DOCK10: variants seen among roughly 807,000 people sequenced by gnomAD.
DOCK10 encodes dedicator of cytokinesis protein 10.
Under a neutral mutation model 280.1 loss-of-function variants are expected in DOCK10, and 145 were observed. The observed-to-expected ratio is 0.52, with a 90% CI of 0.45 to 0.59. DOCK10 has a LOEUF of 0.59. Among genes scored for constraint, DOCK10 ranks in the 20% least tolerant of loss-of-function variants. The pLI is 0.00. For missense variants in DOCK10, 2,368 were observed against 2,651.7 expected, an observed-to-expected ratio of 0.89 and a Z score of 2.35; for synonymous variants, 915 against 942.2, an observed-to-expected ratio of 0.97 and a Z score of 0.53.
intron 1 of DOCK10, among the ~76,000 whole-genome samples, chr2:224,957,282 T>TCCGC (rs1704091134): frequency 1.2e-5 from 1 of 86,494 alleles, no homozygotes; most frequent in Admixed American, 1.2e-4. Flanking sequence ...GTTTTTACTT[T>TCCGC]CCGCCCCCCC....
At chr2:224,886,653 T>C (rs1465709392) in intron 4 of DOCK10, 122 bp from the exon 5 acceptor site, 4 of 730,702 alleles carry the variant, frequency 5.5e-6, no homozygotes, top group East Asian at 5.4e-5. Flanking sequence ...TGTAAAATAA[T>C]GTAATCTTTT....
intron 55 of DOCK10, among the ~76,000 whole-genome samples, chr2:224,766,322 A>G (rs748104378): frequency 3.9e-5 from 6 of 152,196 alleles, no homozygotes; most frequent in African/African-American, 2.4e-5. Flanking sequence ...TGTAAGCATA[A>G]TAACAACAGA....
intron 2 of DOCK10, among the ~76,000 whole-genome samples, chr2:224,921,209 G>A (rs1380963282): frequency 6.8e-6 from 1 of 146,066 alleles, no homozygotes; most frequent in African/African-American, 2.6e-5. Flanking sequence ...GGCTGAGGCA[G>A]GAGAATCACT....
chr2:224,937,029 A>G (rs1702730232), intron 1 of DOCK10, among the ~76,000 whole-genome samples: 1 of 152,208 alleles, frequency 6.6e-6, no homozygotes, highest in African/African-American at 2.4e-5. Context: ...AGGGAAAATA[A>G]TTACAGATTA....
chr2:224,951,578 A>C (rs1229105036), intron 1 of DOCK10, among the ~76,000 whole-genome samples: 1 of 152,196 alleles, frequency 6.6e-6, no homozygotes, highest in African/African-American at 2.4e-5. Context: ...ACCTAAGAAA[A>C]AGTTCTGGCA....
Position 224,959,411 on chromosome 2 carries a change from C to A in DOCK10, c.124-27743G>T, listed in dbSNP as rs60189719. Among the ~76,000 whole-genome samples the A allele has an allele frequency of 0.013, 1,903 of 150,574 alleles. 104 individuals carry two copies. The East Asian group carries it at 0.17, about 14-fold the overall frequency. Reference sequence around the variant, plus strand: ...TTTCCAGGTAAACCTACAACCGGACCCCAAAAAATAAGCCTTTATTATTTT... The same window carrying A: ...TTTCCAGGTAAACCTACAACCGGACACCAAAAAATAAGCCTTTATTATTTT... On this transcript the variant is annotated intron_variant, in intron 1 of 55. Coordinates refer to ENST00000258390, the MANE Select transcript of DOCK10 (RefSeq NM_014689.3).
At chr2:224,840,942 A>G (rs1695920765) in intron 23 of DOCK10, among the ~76,000 whole-genome samples, 1 of 152,206 alleles carries the variant, frequency 6.6e-6, no homozygotes, top group African/African-American at 2.4e-5. Context: ...AAAGGAAGGA[A>G]ATTAGGTCAT....
chr2:224,872,406 T>C (rs1698348170), intron 11 of DOCK10, among the ~76,000 whole-genome samples: 1 of 152,200 alleles, frequency 6.6e-6, no homozygotes, highest in Non-Finnish European at 1.5e-5. Context: ...AGTAGGCCAG[T>C]TGCCCAGAGT....
At chr2:224,844,959 G>T in intron 21 of DOCK10, 120 bp from the exon 22 acceptor site, 1 of 831,264 alleles carries the variant, frequency 1.2e-6, no homozygotes. Context: ...GCTACAGGTG[G>T]AAAATAAAAG....
chr2:224,893,119 A>G (rs1699795645), intron 4 of DOCK10, among the ~76,000 whole-genome samples: 1 of 152,148 alleles, frequency 6.6e-6, no homozygotes, highest in Admixed American at 6.5e-5. Flanking sequence ...GACCTGGATT[A>G]CCCAGTGTGG....
intron 51 of DOCK10, among the ~76,000 whole-genome samples, chr2:224,776,437 C>G (rs796869964): frequency 6.6e-6 from 1 of 152,088 alleles, no homozygotes; most frequent in East Asian, 1.9e-4. Flanking sequence ...CTCATCCCCC[C>G]ACGCTGCCCC....
chr2:224,898,907 A>T (rs1408278861), intron 3 of DOCK10, among the ~76,000 whole-genome samples: 1 of 152,162 alleles, frequency 6.6e-6, no homozygotes, highest in Non-Finnish European at 1.5e-5. Flanking sequence ...CCTTTGCTGA[A>T]ATGTTTTATC....
intron 14 of DOCK10, among the ~76,000 whole-genome samples, chr2:224,860,185 C>T (rs1697407179): frequency 6.6e-6 from 1 of 152,186 alleles, no homozygotes; most frequent in South Asian, 2.1e-4. Flanking sequence ...GAGACTTCAT[C>T]TGTCTTTCTT....
chr2:224,826,739 TTATC>T (rs3083079), intron 27 of DOCK10, among the ~76,000 whole-genome samples: 73,831 of 144,936 alleles, frequency 0.51, 18,739 homozygotes, highest in Middle Eastern at 0.57. Flanking sequence ...ATATATATAA[TTATC>T]TATCTATCTA....
At chr2:224,981,843 GC>G (rs1705762232) in intron 1 of DOCK10, among the ~76,000 whole-genome samples, 1 of 152,100 alleles carries the variant, frequency 6.6e-6, no homozygotes, top group Non-Finnish European at 1.5e-5. Flanking sequence ...TTTAAAAAAC[GC>G]CCATTTTGGG....
rs1200955885 is a variant in DOCK10, at chr2:224,862,721, T to C, written c.1628A>G (p.Asn543Ser). ...TCCCAATTTGCTGCAGAATTGTCTG[T>C]TGGATTTTAGTATCTTTTGTGCATA... is the stretch of plus-strand genomic sequence containing the variant. ...NKYAQKILKS[N>S]RQFCSKLGKY... The change falls in exon 14 of 56, where the codon AAC becomes AGC. Residue 543 changes from asparagine (N) to serine (S), a missense_variant. By Grantham distance (46) the Asn-to-Ser change is conservative. Around this residue, in one of 2 missense-constraint regions of DOCK10, gnomAD observed 1,209 missense variants for 1,250.9 expected, o/e 0.97. Transcript: ENST00000258390. 1.2e-6 allele frequency: 2 copies of C among 1,610,468 alleles called. No individual in the cohort carries two copies. The highest frequency in any genetic ancestry group is 2.2e-5 in the East Asian group (1 of 44,784).
At chr2:225,011,033 T>C (rs1689420643) in intron 1 of DOCK10, among the ~76,000 whole-genome samples, 1 of 152,240 alleles carries the variant, frequency 6.6e-6, no homozygotes, top group Non-Finnish European at 1.5e-5. Flanking sequence ...TGACACATTC[T>C]GACTCACAAC....
intron 25 of DOCK10, among the ~76,000 whole-genome samples, chr2:224,836,892 C>T (rs1438892741): frequency 6.8e-6 from 1 of 147,338 alleles, no homozygotes; most frequent in Non-Finnish European, 1.5e-5. Context: ...AGCCACCACG[C>T]TTGGCCGATT....
chr2:225,010,118 C>G (rs543559449), intron 1 of DOCK10, among the ~76,000 whole-genome samples: 1 of 152,270 alleles, frequency 6.6e-6, no homozygotes, highest in South Asian at 2.1e-4. Flanking sequence ...TGTGTGGGGC[C>G]TTGGCTAGAA....
Sources: allele counts gnomAD v4.1 joint callset (sites outside exome capture counted in the v4.1 genomes callset), GRCh38; gene constraint gnomAD v4.1.1; regional missense constraint gnomAD v4.1.1; transcripts MANE v1.5; gene names NCBI Gene and HGNC (gene_info 2026-07-23, HGNC 2026-07-21).